Variants in PUS7 observed in about 807,000 individuals in gnomAD.
PUS7 encodes pseudouridylate synthase 7 homolog.
PUS7 carries 48 observed loss-of-function variants against 79.8 expected under a neutral mutation model. The observed-to-expected ratio is 0.60, with a 90% confidence interval of 0.48 to 0.76. PUS7 has a LOEUF of 0.76. PUS7 is among the 30% of genes least tolerant of loss of function. PUS7 has a pLI of 0.00. For missense variants in PUS7, 729 were observed against 797.6 expected (o/e 0.91, Z 1.04); for synonymous variants, 286 against 272.2 (o/e 1.05, Z -0.50).
At chr7:105,477,495 C>A (rs1390136634) in intron 9 of PUS7, among the ~76,000 whole-genome samples, 1 of 152,062 alleles carries the variant, frequency 6.6e-6, no homozygotes, top group African/African-American at 2.4e-5. Flanking sequence ...AGCAATCCGC[C>A]ACCCACCTCG....
chr7:105,474,005 T>C (rs1823981381), intron 9 of PUS7, among the ~76,000 whole-genome samples: 1 of 152,246 alleles, frequency 6.6e-6, no homozygotes, highest in African/African-American at 2.4e-5. Context: ...TACTATAGTA[T>C]TGCTGTACAG....
Position 105,485,557 on chromosome 7 carries a change from C to A in PUS7, c.921-3117G>T, listed in dbSNP as rs76744698. ...GCATTTTAATGTTCAAATTTATGAT[C>A]CACCTGGAATTTATTTAGCAAAGGG... On this transcript the variant is annotated intron_variant, in intron 7 of 15. Coordinates refer to ENST00000469408, the MANE Select transcript of PUS7 (RefSeq NM_019042.5). Among the ~76,000 whole-genome samples the A allele has an allele frequency of 2.1e-3, 315 of 152,268 alleles. 2 individuals carry two copies. The highest frequency in any genetic ancestry group is 7.2e-3 in the African/African-American group (300 of 41,552).
At chr7:105,502,802 G>A (rs897042610) in intron 4 of PUS7, among the ~76,000 whole-genome samples, 1 of 151,988 alleles carries the variant, frequency 6.6e-6, no homozygotes, top group African/African-American at 2.4e-5. Flanking sequence ...CGGGTTCAAG[G>A]GATTCTTCTG....
intron 1 of PUS7, among the ~76,000 whole-genome samples, chr7:105,517,108 C>A (rs549674840): frequency 6.6e-6 from 1 of 152,000 alleles, no homozygotes; most frequent in South Asian, 2.1e-4. Context: ...TGATGTTAAA[C>A]CAGGAAGAGA....
At chr7:105,481,314 CT>C in intron 8 of PUS7, 137 bp from the exon 9 acceptor site, 1 of 551,308 alleles carries the variant, frequency 1.8e-6, no homozygotes, top group Non-Finnish European at 2.9e-6. Flanking sequence ...CCCAAGGGCT[CT>C]TTCTTTCTTT....
intron 1 of PUS7, among the ~76,000 whole-genome samples, chr7:105,520,125 A>G (rs962490303): frequency 6.6e-6 from 1 of 151,978 alleles, no homozygotes; most frequent in Non-Finnish European, 1.5e-5. Context: ...GAAGTTCAAG[A>G]CCAGCCTGGC....
chr7:105,483,021 C>T (rs570003786), intron 7 of PUS7, among the ~76,000 whole-genome samples: 1 of 152,226 alleles, frequency 6.6e-6, no homozygotes, highest in Non-Finnish European at 1.5e-5. Flanking sequence ...CTACCCAAAT[C>T]TGTATCATGC....
At chr7:105,484,442 C>T (rs1166517865) in intron 7 of PUS7, among the ~76,000 whole-genome samples, 1 of 151,686 alleles carries the variant, frequency 6.6e-6, no homozygotes, top group Admixed American at 6.6e-5. Flanking sequence ...CAGCAAGATC[C>T]CATCTCTAAA....
At chr7:105,506,585 G>A (rs750247867) in intron 2 of PUS7, among the ~76,000 whole-genome samples, 4 of 151,982 alleles carry the variant, frequency 2.6e-5, no homozygotes, top group Non-Finnish European at 5.9e-5. Context: ...ACCACGCCCA[G>A]CTAATTTTTG....
At chr7:105,478,002 C>A (rs747653812) in intron 9 of PUS7, among the ~76,000 whole-genome samples, 2 of 151,690 alleles carry the variant, frequency 1.3e-5, no homozygotes, top group Non-Finnish European at 2.9e-5. Flanking sequence ...AGAGATGGGG[C>A]CTTGCTATGG....
chr7:105,514,701 ATC>A (rs1160235494), intron 1 of PUS7, among the ~76,000 whole-genome samples: 17 of 152,186 alleles, frequency 1.1e-4, no homozygotes, highest in African/African-American at 3.9e-4. Context: ...TGTGACTATG[ATC>A]TGAGTCACAT....
chr7:105,475,979 T>C (rs1824091661), intron 9 of PUS7, among the ~76,000 whole-genome samples: 1 of 152,096 alleles, frequency 6.6e-6, no homozygotes, highest in South Asian at 2.1e-4. Flanking sequence ...TCAGGTAACA[T>C]AAAGTTTCCA....
chr7:105,462,401 C>T (rs1586085772), intron 14 of PUS7: 1 of 474,280 alleles, frequency 2.1e-6, no homozygotes, highest in East Asian at 4.2e-5. Context: ...TATTGTGCTC[C>T]AGCCTGGGTG....
Position 105,468,326 on chromosome 7 carries a change from T to C in PUS7, c.1525+11A>G. ...AGCTTAGCTGAGTAACAAAGACATC[T>C]GCCTTTTTACCTCCTTTGAGAACGA... On this transcript the variant is annotated intron_variant, in intron 12 of 15. Coordinates refer to ENST00000469408, the MANE Select transcript of PUS7 (RefSeq NM_019042.5). The C allele has an allele frequency of 6.2e-7, 1 of 1,609,028 alleles. No individual in the cohort carries two copies. The highest frequency in any genetic ancestry group is 8.5e-7 in the Non-Finnish European group (1 of 1,178,588).
chr7:105,471,429 C>T (rs900266733), intron 10 of PUS7, among the ~76,000 whole-genome samples: 1 of 152,164 alleles, frequency 6.6e-6, no homozygotes, highest in Admixed American at 6.5e-5. Context: ...CTTATACACT[C>T]AGATTTAGTA....
intron 1 of PUS7, among the ~76,000 whole-genome samples, chr7:105,513,149 C>T (rs1460779807): frequency 3.9e-5 from 6 of 152,150 alleles, no homozygotes; most frequent in Non-Finnish European, 7.4e-5. Context: ...GTCACACATG[C>T]CCTTACCAAA....
chr7:105,488,887 G>A (rs888464610), intron 7 of PUS7, among the ~76,000 whole-genome samples: 9 of 152,096 alleles, frequency 5.9e-5, no homozygotes, highest in Non-Finnish European at 1.0e-4. Context: ...AGTGGCTCAC[G>A]CCTGTAATCC....
chr7:105,502,821 T>C (rs1221353547), intron 4 of PUS7, among the ~76,000 whole-genome samples: 2 of 152,174 alleles, frequency 1.3e-5, no homozygotes, highest in African/African-American at 4.8e-5. Flanking sequence ...TGCCTCAGCC[T>C]CCTGAGTAGC....
chr7:105,514,136 C>G (rs1440793760), intron 1 of PUS7, among the ~76,000 whole-genome samples: 1 of 136,360 alleles, frequency 7.3e-6, no homozygotes, highest in South Asian at 2.6e-4. Context: ...GAGGCTGAGG[C>G]AGGAGAATGG....
Sources: allele counts gnomAD v4.1 joint callset (sites outside exome capture counted in the v4.1 genomes callset), GRCh38; gene constraint gnomAD v4.1.1; transcripts MANE v1.5; gene names NCBI Gene and HGNC (gene_info 2026-07-23, HGNC 2026-07-21).